WDR41: variants seen among roughly 807,000 people sequenced by gnomAD.
WDR41 encodes WD repeat-containing protein 41.
WDR41 carries 63 observed loss-of-function variants against 69.3 expected under a neutral mutation model. The observed-to-expected ratio is 0.91, with a 90% CI of 0.74 to 1.12. The LOEUF (loss-of-function observed/expected upper bound fraction) is 1.12, where lower values mean the gene tolerates loss of function less well. Among genes scored for constraint, WDR41 ranks in the 50% most tolerant of loss-of-function variants. The pLI is 0.00. For missense variants in WDR41, 543 were observed against 534.5 expected, an observed-to-expected ratio of 1.02 and a Z score of -0.16; for synonymous variants, 185 against 192.1, an observed-to-expected ratio of 0.96 and a Z score of 0.31.
At chr5:77,508,956 C>T (rs143333973) in intron 1 of WDR41, among the ~76,000 whole-genome samples, 2,809 of 152,206 alleles carry the variant, frequency 0.018, 64 homozygotes, top group African/African-American at 0.055. Flanking sequence ...TAATTGCTGG[C>T]TGATTGTTTT....
intron 1 of WDR41, among the ~76,000 whole-genome samples, chr5:77,507,078 G>A (rs1296781848): frequency 6.6e-6 from 1 of 152,120 alleles, no homozygotes; most frequent in East Asian, 1.9e-4. Flanking sequence ...ATAACATTGA[G>A]TAAATTCTTG....
chr5:77,500,801 A>T lies in WDR41; in HGVS notation c.43-11229T>A, dbSNP rs148048654. Among the ~76,000 whole-genome samples the T allele has an allele frequency of 3.4e-3, 523 of 152,366 alleles. 4 individuals are homozygous for T. The highest frequency in any genetic ancestry group is 0.012 in the African/African-American group (492 of 41,588). The stretch of plus-strand genomic sequence containing the variant: ...AATAGGTATAAAGAAGGGCAGACGA[A>T]CTAGAATGTGCTGTGAGACATTACA... On this transcript the variant is annotated intron_variant, in intron 1 of 5. Transcript: ENST00000509971.
Position 77,458,988 on chromosome 5 carries a change from TCTAA to T in WDR41, c.411+70_411+73del, listed in dbSNP as rs973901430. On this transcript the variant is annotated intron_variant, in intron 5 of 12. Transcript: ENST00000296679. ...CATAAGACCCACAAAAGTAATTTCG[TCTAA>T]CTCTTTAAACCATGTCTTCTGAGAC... is the stretch of plus-strand genomic sequence containing the variant. The T allele has an allele frequency of 9.1e-6, 10 of 1,094,824 alleles. No individual in the cohort carries two copies. In the African/African-American group the frequency reaches 1.6e-4, roughly 17 times the overall value. The allele number at this position is 1,094,824 out of a possible 1,614,324, so 67.8% of individuals were successfully genotyped here.
chr5:77,517,608 G>T (rs1802308899), intron 1 of WDR41, among the ~76,000 whole-genome samples: 1 of 140,354 alleles, frequency 7.1e-6, no homozygotes. Flanking sequence ...CTAACATATT[G>T]ACATTTATTC....
chr5:77,534,903 T>C (rs1420934287), intron 1 of WDR41, among the ~76,000 whole-genome samples: 4 of 152,196 alleles, frequency 2.6e-5, no homozygotes, highest in African/African-American at 9.7e-5. Flanking sequence ...GACAAAGGGA[T>C]GTTTTGACTG....
At chr5:77,514,728 A>G (rs1257259753) in intron 1 of WDR41, among the ~76,000 whole-genome samples, 2 of 152,218 alleles carry the variant, frequency 1.3e-5, no homozygotes, top group Non-Finnish European at 2.9e-5. Flanking sequence ...ATAGTCTACT[A>G]CACACCTAGG....
At chr5:77,461,175 G>A (rs1339997980) in intron 4 of WDR41, among the ~76,000 whole-genome samples, 1 of 152,152 alleles carries the variant, frequency 6.6e-6, no homozygotes, top group Non-Finnish European at 1.5e-5. Context: ...TACTGAAAAA[G>A]AGAGCTTTAT....
intron 2 of WDR41, among the ~76,000 whole-genome samples, chr5:77,466,768 T>C (rs1046854035): frequency 2.0e-5 from 3 of 151,668 alleles, no homozygotes; most frequent in African/African-American, 4.8e-5. Context: ...TGGTAGATTA[T>C]TCAGGCCTTC....
At chr5:77,464,493 C>T (rs1343509621) in intron 3 of WDR41, among the ~76,000 whole-genome samples, 1 of 151,726 alleles carries the variant, frequency 6.6e-6, no homozygotes, top group African/African-American at 2.4e-5. Context: ...GTTATCCGTT[C>T]GCCTTGGCCT....
Position 77,459,104 on chromosome 5 carries a change from G to C in WDR41, c.369C>G (p.Thr123=). The C allele has an allele frequency of 6.3e-7, 1 of 1,599,182 alleles. No individual in the cohort carries two copies. The highest frequency in any genetic ancestry group is 8.5e-7 in the Non-Finnish European group (1 of 1,170,790). Residue 123 remains threonine, a synonymous_variant, in exon 5 of 13, where the codon ACC becomes ACG. Transcript: ENST00000296679. ...RTVIVWDGDT[T]RQVQRISCFQ... is the part of the protein sequence containing the mutation. ...AGCATGATATTCTCTGAACTTGTCT[G>C]GTAGTATCACCATCCCACACCTAAA...
intron 1 of WDR41, among the ~76,000 whole-genome samples, chr5:77,545,067 G>T (rs762600964): frequency 2.2e-4 from 33 of 152,066 alleles, no homozygotes; most frequent in Admixed American, 3.3e-4. Flanking sequence ...GCTCCTGAAT[G>T]ATCATTGGGT....
At chr5:77,525,433 G>A (rs1206613892) in intron 1 of WDR41, among the ~76,000 whole-genome samples, 2 of 152,200 alleles carry the variant, frequency 1.3e-5, no homozygotes, top group Non-Finnish European at 2.9e-5. Flanking sequence ...CTCACAGTCT[G>A]TGTGAAGGTA....
At chr5:77,538,351 T>C (rs546734320) in intron 1 of WDR41, among the ~76,000 whole-genome samples, 1 of 152,330 alleles carries the variant, frequency 6.6e-6, no homozygotes, top group Admixed American at 6.5e-5. Flanking sequence ...GTTTGTTACA[T>C]GGGTAGTGTG....
chr5:77,468,899 A>T (rs1373272811), intron 2 of WDR41, among the ~76,000 whole-genome samples: 1 of 110,784 alleles, frequency 9.0e-6, no homozygotes, highest in Non-Finnish European at 1.8e-5. Context: ...ACTGCTTGAT[A>T]TATCTCTAAA....
intron 8 of WDR41, among the ~76,000 whole-genome samples, chr5:77,449,499 T>A (rs1799537021): frequency 6.6e-6 from 1 of 152,214 alleles, no homozygotes; most frequent in African/African-American, 2.4e-5. Flanking sequence ...ATCCCACAGC[T>A]ACCAAGCAGT....
intron 5 of WDR41, among the ~76,000 whole-genome samples, chr5:77,455,698 A>T (rs1460235910): frequency 6.6e-6 from 1 of 152,120 alleles, no homozygotes; most frequent in African/African-American, 2.4e-5. Context: ...TCATTTTTTG[A>T]AGAGACTATT....
chr5:77,435,780 T>C (rs980658550), intron 12 of WDR41, among the ~76,000 whole-genome samples: 32 of 152,366 alleles, frequency 2.1e-4, no homozygotes, highest in South Asian at 6.2e-4. Flanking sequence ...ACTAAAACTT[T>C]CATATTTGCA....
intron 1 of WDR41, among the ~76,000 whole-genome samples, chr5:77,575,153 T>G (rs1007480148): frequency 2.6e-5 from 4 of 152,216 alleles, no homozygotes; most frequent in African/African-American, 4.8e-5. Flanking sequence ...TGCAGTATAG[T>G]GTCTAGTGTA....
At chr5:77,529,358 A>AT (rs1250205804) in intron 1 of WDR41, among the ~76,000 whole-genome samples, 3 of 151,572 alleles carry the variant, frequency 2.0e-5, no homozygotes, top group African/African-American at 7.2e-5. Flanking sequence ...ACTATTACTG[A>AT]TAAAAAAAAC....
Sources: gnomAD v4.1 joint callset for allele counts (sites outside exome capture counted in the v4.1 genomes callset) on GRCh38, gnomAD v4.1.1 for gene constraint, MANE v1.5 for transcripts, NCBI Gene and HGNC (gene_info 2026-07-23, HGNC 2026-07-21) for gene names.